XRCC4: variants seen among roughly 807,000 people sequenced by gnomAD.
XRCC4 encodes the protein DNA repair protein XRCC4.
A neutral mutation model predicts 39.1 loss-of-function variants in XRCC4; 28 were observed. That is an observed-to-expected ratio of 0.72 (90% CI 0.53 to 0.98). The LOEUF (loss-of-function observed/expected upper bound fraction) is 0.98. Ranked by LOEUF, XRCC4 falls within the 50% of genes least tolerant of loss-of-function variation. The probability of loss-of-function intolerance (pLI) is 0.00; values close to 1 mark genes in which losing one functional copy is unlikely to be tolerated. For missense variants in XRCC4, 350 were observed against 376.4 expected (o/e 0.93, Z 0.58); for synonymous variants, 123 against 126.4 (o/e 0.97, Z 0.18).
At chr5:83,164,341 T>G (rs928173265) in intron 3 of XRCC4, among the ~76,000 whole-genome samples, 3 of 152,184 alleles carry the variant, frequency 2.0e-5, no homozygotes, top group African/African-American at 7.2e-5. Context: ...AATAATATTT[T>G]CAATAAATCA....
At chr5:83,195,383 A>G (rs1275852469) in intron 3 of XRCC4, among the ~76,000 whole-genome samples, 1 of 152,190 alleles carries the variant, frequency 6.6e-6, no homozygotes, top group Non-Finnish European at 1.5e-5. Flanking sequence ...CCATTTTAGC[A>G]TTTACATGAA....
At chr5:83,115,939 T>G (rs1746688208) in intron 3 of XRCC4, among the ~76,000 whole-genome samples, 1 of 152,148 alleles carries the variant, frequency 6.6e-6, no homozygotes, top group Non-Finnish European at 1.5e-5. Flanking sequence ...TTTTGGATAT[T>G]TAGATGAGGT....
intron 7 of XRCC4, chr5:83,280,618 G>A: frequency 2.5e-6 from 1 of 397,056 alleles, no homozygotes; most frequent in Non-Finnish European, 4.7e-6. Context: ...CCTTCTCAAG[G>A]CTGCCTGACC....
chr5:83,217,458 C>A (rs1015048588), intron 6 of XRCC4, among the ~76,000 whole-genome samples: 1 of 151,422 alleles, frequency 6.6e-6, no homozygotes, highest in African/African-American at 2.4e-5. Flanking sequence ...GTGCAAGTTT[C>A]ATTCAAGAGT....
At chr5:83,372,251 G>A in the XRCC4 span, among the ~76,000 whole-genome samples, 1 of 152,166 alleles carries the variant, frequency 6.6e-6, no homozygotes, top group African/African-American at 2.4e-5. Flanking sequence ...TATCCCAAAT[G>A]TGCAAATTTC....
At chr5:83,132,870 G>T (rs1452231673) in intron 3 of XRCC4, among the ~76,000 whole-genome samples, 11 of 152,110 alleles carry the variant, frequency 7.2e-5, no homozygotes, top group Non-Finnish European at 1.5e-5. Context: ...CCGATCATCT[G>T]AAGCCTTCTT....
At chr5:83,292,891 A>T (rs1252738627) in intron 7 of XRCC4, among the ~76,000 whole-genome samples, 3 of 151,950 alleles carry the variant, frequency 2.0e-5, no homozygotes, top group Non-Finnish European at 4.4e-5. Context: ...TGAAAAGAAG[A>T]AGTTAAGTCT....
the XRCC4 span, among the ~76,000 whole-genome samples, chr5:83,362,294 C>CAAAAAAAAAAAAAAAAAAAAAAAAAA: frequency 1.4e-5 from 1 of 73,168 alleles, no homozygotes; most frequent in East Asian, 5.0e-4. Context: ...GCTATTTAGG[C>CAAAAAAAAAAAAAAAAAAAAAAAAAA]AAAAAAAAAA....
chr5:83,243,857 T>A (rs1753003387), intron 6 of XRCC4, among the ~76,000 whole-genome samples: 1 of 152,150 alleles, frequency 6.6e-6, no homozygotes, highest in Admixed American at 6.6e-5. Context: ...TTAGGTTTGT[T>A]GACCTACCCG....
At chr5:83,124,989 C>G (rs1747188728) in intron 3 of XRCC4, among the ~76,000 whole-genome samples, 1 of 152,126 alleles carries the variant, frequency 6.6e-6, no homozygotes, top group Admixed American at 6.5e-5. Context: ...ACATTCTTAT[C>G]AGCACTTGGT....
chr5:83,203,487 G>T, intron 4 of XRCC4, 65 bp from the exon 5 acceptor site: 1 of 1,320,878 alleles, frequency 7.6e-7, no homozygotes. Context: ...TTGATTATTA[G>T]GCTGAATTAT....
At chr5:83,269,443 A>G (rs1754062985) in intron 7 of XRCC4, among the ~76,000 whole-genome samples, 2 of 150,990 alleles carry the variant, frequency 1.3e-5, no homozygotes, top group South Asian at 4.2e-4. Flanking sequence ...AAGTACATCT[A>G]GAATGCCCAA....
At chr5:83,112,563 A>G (rs1173735074) in intron 3 of XRCC4, among the ~76,000 whole-genome samples, 1 of 152,210 alleles carries the variant, frequency 6.6e-6, no homozygotes. Context: ...TACAGTTGGC[A>G]TGTATATTAA....
At chr5:83,107,709 T>A (rs984422172) in intron 2 of XRCC4, among the ~76,000 whole-genome samples, 1 of 151,960 alleles carries the variant, frequency 6.6e-6, no homozygotes, top group African/African-American at 2.4e-5. Context: ...CTGGAGTAGT[T>A]TGAAGTTTAT....
At chr5:83,112,312 A>G (rs1039556515) in intron 3 of XRCC4, among the ~76,000 whole-genome samples, 13 of 152,320 alleles carry the variant, frequency 8.5e-5, no homozygotes, top group African/African-American at 2.9e-4. Context: ...ATGATATTAT[A>G]TGTTACAGAA....
At chr5:83,223,239 G>T (rs1239345699) in intron 6 of XRCC4, among the ~76,000 whole-genome samples, 1 of 151,916 alleles carries the variant, frequency 6.6e-6, no homozygotes, top group Non-Finnish European at 1.5e-5. Context: ...TTGGTTTTTG[G>T]CCTATTTTTG....
chr5:83,145,759 A>G (rs1200877450), intron 3 of XRCC4, among the ~76,000 whole-genome samples: 1 of 151,920 alleles, frequency 6.6e-6, no homozygotes, highest in African/African-American at 2.4e-5. Flanking sequence ...CATGGCTGAT[A>G]TTTGAGCCCT....
intron 3 of XRCC4, among the ~76,000 whole-genome samples, chr5:83,186,711 C>T (rs1248779255): frequency 1.3e-5 from 2 of 152,180 alleles, no homozygotes; most frequent in Non-Finnish European, 2.9e-5. Context: ...TCAATTGCTA[C>T]AGTAGCAAAT....
intron 7 of XRCC4, among the ~76,000 whole-genome samples, chr5:83,299,539 A>G (rs1319942254): frequency 1.3e-5 from 2 of 151,982 alleles, no homozygotes; most frequent in African/African-American, 2.4e-5. Context: ...CTTATGTTAT[A>G]TCTTCTCACT....
Sources: allele counts gnomAD v4.1 joint callset (sites outside exome capture counted in the v4.1 genomes callset), GRCh38; gene constraint gnomAD v4.1.1; transcripts MANE v1.5; gene names NCBI Gene and HGNC (gene_info 2026-07-23, HGNC 2026-07-21).